ZNF226: variants seen among roughly 807,000 people sequenced by gnomAD.
ZNF226 encodes zinc finger protein 226.
ZNF226 carries 6 observed loss-of-function variants against 11.4 expected under a neutral mutation model. The observed-to-expected ratio is 0.53, with a 90% CI of 0.29 to 1.04. ZNF226 has a LOEUF of 1.04. Among genes scored for constraint, ZNF226 ranks in the 50% least tolerant of loss-of-function variants. The pLI, the probability that ZNF226 is intolerant of heterozygous loss-of-function variation, is 0.08. For missense variants in ZNF226, 1,058 were observed against 956.5 expected, an observed-to-expected ratio of 1.11 and a Z score of -1.40; for synonymous variants, 350 against 322.8, an observed-to-expected ratio of 1.08 and a Z score of -0.90.
At chr19:44,199,238 AATCTT>A in the ZNF226 span, among the ~76,000 whole-genome samples, 1 of 151,462 alleles carries the variant, frequency 6.6e-6, no homozygotes, top group Non-Finnish European at 1.5e-5. Flanking sequence ...GCAGTGGCAC[AATCTT>A]GGCTCACTGC....
chr19:44,171,067 TTATG>T (rs1382617443), intron 3 of ZNF226, among the ~76,000 whole-genome samples: 1 of 152,230 alleles, frequency 6.6e-6, no homozygotes, highest in East Asian at 1.9e-4. Context: ...TCTATCAAAT[TTATG>T]TATCCAGTTT....
rs1970708074 is a variant in ZNF226, at chr19:44,176,652, G to T, written c.1390G>T (p.Ala464Ser). The part of the protein sequence containing the change: ...KGFSRPSSLQ[A>S]HQGVHTGEKS... The stretch of plus-strand genomic sequence containing the variant: ...CTTTAGTCGGCCTTCAAGTCTTCAG[G>T]CCCATCAGGGAGTTCACACTGGAGA... The change falls in exon 6 of 6, where the codon GCC becomes TCC. Residue 464 changes from alanine to serine, a missense_variant. By Grantham distance (99) the Ala-to-Ser change is moderately conservative. Coordinates refer to ENST00000337433, the MANE Select transcript of ZNF226 (RefSeq NM_001032373.2). 1 of 1,613,670 alleles carries T rather than the reference G, an allele frequency of 6.2e-7. No homozygotes were observed. Among genetic ancestry groups the T allele is most frequent in the African/African-American group, 1.3e-5 (1 of 74,780 alleles).
the ZNF226 span, among the ~76,000 whole-genome samples, chr19:44,190,879 GA>G: frequency 3.3e-5 from 5 of 151,828 alleles, no homozygotes; most frequent in African/African-American, 4.8e-5. Flanking sequence ...GGATCAAATA[GA>G]AAAAAATAAA....
chr19:44,170,273 T>C (rs1969926662), intron 3 of ZNF226, among the ~76,000 whole-genome samples, 178 bp downstream of exon 3: 1 of 152,212 alleles, frequency 6.6e-6, no homozygotes, highest in Non-Finnish European at 1.5e-5. Flanking sequence ...ATTTCGTCAT[T>C]TTTATTTTAC....
chr19:44,192,451 C>T, the ZNF226 span, among the ~76,000 whole-genome samples: 8 of 152,032 alleles, frequency 5.3e-5, no homozygotes, highest in African/African-American at 1.9e-4. Context: ...TTCACTTAAT[C>T]AGAGTGAAAA....
At chr19:44,173,003 GCTT>G in intron 5 of ZNF226, 51 bp downstream of exon 5, 4 of 1,516,566 alleles carry the variant, frequency 2.6e-6, no homozygotes, top group Non-Finnish European at 3.6e-6. Context: ...CATCTGCTTT[GCTT>G]CTTCTTAGCC....
In ZNF226 at chr19:44,177,502, G is replaced by A. The variant is rs766519729; in HGVS notation, c.2240G>A (p.Arg747Gln). The A allele has an allele frequency of 1.1e-5, 18 of 1,614,040 alleles. No homozygotes were observed. Among genetic ancestry groups the A allele is most frequent in the East Asian group, 1.1e-4 (5 of 44,896 alleles). The change falls in exon 6 of 6, where the codon CGA becomes CAA. Residue 747 changes from arginine to glutamine, a missense_variant. By Grantham distance (43) the Arg-to-Gln change is conservative (BLOSUM62 1). Transcript: ENST00000337433. ...TCTTCACAACTACAGTCTCATCAGC[G>A]AGTTCACACTGGGGAGAAACCTTAT... ...SRSSQLQSHQ[R>Q]VHTGEKPYKC...
Position 44,170,779 on chromosome 19 carries a change from G to A in ZNF226, c.15+684G>A, listed in dbSNP as rs185977466. ...AATAAAAAAATTAGCCAGGTATGGC[G>A]GTGCACACTTGTAATCCCAGCTACT... On this transcript the variant is annotated intron_variant, in intron 3 of 5. Transcript: ENST00000337433. Among the ~76,000 whole-genome samples, 649 of 151,940 alleles carry A rather than the reference G, an allele frequency of 4.3e-3. 10 individuals are homozygous for A. The highest frequency in any genetic ancestry group is 0.035 in the South Asian group (168 of 4,808).
intron 5 of ZNF226, chr19:44,174,986 A>C (rs762705546): frequency 1.2e-5 from 20 of 1,610,424 alleles, no homozygotes; most frequent in Non-Finnish European, 1.7e-5. Flanking sequence ...TATTTCAGAT[A>C]CCTTACTTGT....
the ZNF226 span, among the ~76,000 whole-genome samples, chr19:44,185,008 C>T: frequency 6.6e-6 from 1 of 152,144 alleles, no homozygotes; most frequent in African/African-American, 2.4e-5. Context: ...CATGAGTAGA[C>T]TCTTACAGTA....
chr19:44,179,363 G>T (rs1216052858), downstream of ZNF226, among the ~76,000 whole-genome samples: 1 of 152,044 alleles, frequency 6.6e-6, no homozygotes, highest in Admixed American at 6.6e-5. Flanking sequence ...TTATTTTACA[G>T]TAACATAGTA....
Position 44,176,109 on chromosome 19 carries a change from G to T in ZNF226, c.847G>T (p.Val283Phe). The T allele has an allele frequency of 1.2e-6, 2 of 1,614,164 alleles. No individual in the cohort carries two copies. The highest frequency in any genetic ancestry group is 1.7e-6 in the Non-Finnish European group (2 of 1,180,014). The change falls in exon 6 of 6, where the codon GTT (valine) becomes TTT (phenylalanine). Residue 283 changes from valine to phenylalanine, a missense_variant. Physicochemically the swap from Val to Phe is conservative, Grantham distance 50. Coordinates refer to ENST00000337433, the MANE Select transcript of ZNF226 (RefSeq NM_001032373.2). ...LQSGEKSLTC[V>F]ERGKGFCYSP... Reference sequence around the variant, plus strand: ...ATCAGGAGAGAAGTCTCTTACATGTGTTGAGCGTGGAAAAGGCTTCTGTTA... The same window carrying T: ...ATCAGGAGAGAAGTCTCTTACATGTTTTGAGCGTGGAAAAGGCTTCTGTTA...
At chr19:44,183,965 G>T in the ZNF226 span, among the ~76,000 whole-genome samples, 1 of 152,130 alleles carries the variant, frequency 6.6e-6, no homozygotes, top group African/African-American at 2.4e-5. Flanking sequence ...GGTAAACTAT[G>T]TTTCATGGAC....
the ZNF226 span, among the ~76,000 whole-genome samples, chr19:44,191,909 A>G: frequency 1.3e-5 from 2 of 152,340 alleles, no homozygotes; most frequent in South Asian, 4.1e-4. Flanking sequence ...CCTTCTACAT[A>G]TTTAAAAACC....
At chr19:44,197,782 T>A in the ZNF226 span, among the ~76,000 whole-genome samples, 1 of 152,224 alleles carries the variant, frequency 6.6e-6, no homozygotes, top group Admixed American at 6.5e-5. Context: ...TTGACATATG[T>A]GTGTATTGTG....
intron 5 of ZNF226, 27 bp downstream of exon 5, chr19:44,172,979 T>G: frequency 6.4e-7 from 1 of 1,552,016 alleles, no homozygotes; most frequent in Non-Finnish European, 8.8e-7. Flanking sequence ...TATGAGTTCT[T>G]ATAGTTAACT....
chr19:44,176,322 T>G lies in ZNF226; in HGVS notation c.1060T>G (p.Cys354Gly). The part of the protein sequence containing the change: ...FSRRSALNVH[C>G]KVHTAEKPYN... Reference sequence around the variant, plus strand: ...TCGTAGATCAGCACTTAATGTTCATTGCAAGGTCCACACGGCAGAGAAACC... The same window carrying G: ...TCGTAGATCAGCACTTAATGTTCATGGCAAGGTCCACACGGCAGAGAAACC... Residue 354 changes from cysteine to glycine, a missense_variant, in exon 6 of 6, where the codon TGC becomes GGC. Physicochemically the swap from Cys to Gly is radical, Grantham distance 159 (BLOSUM62 -3). Transcript: ENST00000337433. 6.2e-7 allele frequency: 1 copy of G among 1,614,152 alleles called. No homozygotes were observed. Among genetic ancestry groups the G allele is most frequent in the Non-Finnish European group, 8.5e-7 (1 of 1,180,022 alleles).
At chr19:44,172,340 G>A in intron 4 of ZNF226, 126 bp downstream of exon 4, 1 of 1,256,194 alleles carries the variant, frequency 8.0e-7, no homozygotes, top group South Asian at 1.5e-5. Flanking sequence ...AGAGACACTG[G>A]ATGTTTCTGG....
intron 2 of ZNF226, among the ~76,000 whole-genome samples, chr19:44,169,026 T>G (rs1489513152): frequency 1.4e-5 from 2 of 144,514 alleles, no homozygotes; most frequent in South Asian, 4.5e-4. Context: ...TTTTTTTTTT[T>G]GAGACAGAGT....
Sources: gnomAD v4.1 joint callset for allele counts (sites outside exome capture counted in the v4.1 genomes callset) on GRCh38, gnomAD v4.1.1 for gene constraint, MANE v1.5 for transcripts, NCBI Gene and HGNC (gene_info 2026-07-23, HGNC 2026-07-21) for gene names.